Variants in EPHA2 observed in about 807,000 individuals in gnomAD.
EPHA2 encodes EPH receptor A2, also known as ephrin type-A receptor 2.
Under a neutral mutation model 104.9 loss-of-function variants are expected in EPHA2, and 54 were observed. The observed-to-expected ratio is 0.51, with a 90% confidence interval of 0.41 to 0.65. The LOEUF (loss-of-function observed/expected upper bound fraction) is 0.65, where lower values mean the gene tolerates loss of function less well. EPHA2 is among the 30% of genes least tolerant of loss of function. The pLI is 0.00. For synonymous variants in EPHA2, 560 were observed against 559.1 expected (o/e 1.00, Z -0.02); for missense variants, 1,117 against 1,369.5 (o/e 0.82, Z 2.91).
chr1:16,135,335 G>T lies in EPHA2; in HGVS notation c.1429-146C>A. 1 of 1,099,942 alleles carries T rather than the reference G, an allele frequency of 9.1e-7. No homozygotes were observed. The highest frequency in any genetic ancestry group is 1.3e-6 in the Non-Finnish European group (1 of 748,200). The allele number at this position is 1,099,942 out of a possible 1,614,324, so 68.1% of individuals were successfully genotyped here. On this transcript the variant is annotated intron_variant, in intron 6 of 16. Coordinates refer to ENST00000358432, the MANE Select transcript of EPHA2 (RefSeq NM_004431.5). This position sits in a 1 kb window ranked among gnomAD's most constrained non-coding sequence, Gnocchi z 4.3. The stretch of plus-strand genomic sequence containing the variant: ...TCTTCTTACAGAGGAGGAAACTGAG[G>T]CTCGGAATTAAGTGACTCACTCAAG...
In EPHA2 at chr1:16,148,906, T is replaced by C. The variant is rs1467862858; in HGVS notation, c.295A>G (p.Lys99Glu). The change falls in exon 3 of 17, where the codon AAG becomes GAG. Residue 99 changes from lysine (K) to glutamate (E), a missense_variant. This residue lies in a region of EPHA2 where 664 missense variants were observed against 784.8 expected (regional missense o/e 0.85). Coordinates refer to ENST00000358432, the MANE Select transcript of EPHA2 (RefSeq NM_004431.5). The surrounding 1 kb of genome is among the most constrained non-coding windows in gnomAD (Gnocchi z 4.9). ...GEAERIFIEL[K>E]FTVRDCNSFP... is the part of the protein sequence containing the mutation. ...CTGTTGCAGTCACGTACAGTAAACT[T>C]GAGCTCAATGAAGATACGCTCAGCC... The C allele has an allele frequency of 1.2e-6, 2 of 1,614,168 alleles. No homozygotes were observed. The highest frequency in any genetic ancestry group is 3.3e-5 in the Admixed American group (2 of 60,034).
intron 16 of EPHA2, among the ~76,000 whole-genome samples, chr1:16,127,358 C>T (rs1302410735): frequency 6.6e-6 from 1 of 152,160 alleles, no homozygotes. Context: ...ACATCCACGC[C>T]TTTCGTCAGC....
In EPHA2 at chr1:16,131,690, G is replaced by A. The variant is rs201319114; in HGVS notation, c.2475+31C>T. 6.0e-5 allele frequency: 97 copies of A among 1,613,580 alleles called. No homozygotes were observed. The highest frequency in any genetic ancestry group is 7.5e-5 in the Non-Finnish European group (89 of 1,179,952). On this transcript the variant is annotated intron_variant, in intron 14 of 16. Coordinates refer to ENST00000358432, the MANE Select transcript of EPHA2 (RefSeq NM_004431.5). The surrounding 1 kb of genome is among the most constrained non-coding windows in gnomAD (Gnocchi z 5.2). ...GAGTAAAGGGCTTGAGTTCAGGTCC[G>A]GACAGGCCTGGGGAGGGCAAGGGCA...
Position 16,133,511 on chromosome 1 carries a change from A to G in EPHA2, c.1834T>C (p.Cys612Arg). Residue 612 changes from cysteine to arginine, a missense_variant, in exon 10 of 17, where the codon TGT becomes CGT. Cys to Arg is a radical substitution (Grantham distance 180, BLOSUM62 -3). Transcript: ENST00000358432. ...CCGATCACCTTCTGCCGAGTGACAC[A>G]GGATGGATGGATCTCGGTAGTGAAC... ...LKFTTEIHPSCVTRQKVIGAG... is the reference protein window; with the variant it reads ...LKFTTEIHPSRVTRQKVIGAG... 6.2e-7 allele frequency: 1 copy of G among 1,614,112 alleles called. No individual in the cohort carries two copies. Among genetic ancestry groups the G allele is most frequent in the South Asian group, 1.1e-5 (1 of 91,084 alleles).
At chr1:16,152,311 C>T (rs1210445474) in intron 1 of EPHA2, among the ~76,000 whole-genome samples, 1 of 152,156 alleles carries the variant, frequency 6.6e-6, no homozygotes, top group Non-Finnish European at 1.5e-5. Flanking sequence ...GTCTTGAAGA[C>T]CGCCTCCTGA....
intron 1 of EPHA2, chr1:16,155,429 A>G (rs2025139046): frequency 6.9e-6 from 1 of 144,250 alleles, no homozygotes; most frequent in South Asian, 2.4e-4. Context: ...AGGCCTGCAC[A>G]GTATGCCTTC....
rs989006800 is a variant in EPHA2, at chr1:16,150,843, G to A, written c.153+53C>T. The A allele has an allele frequency of 1.3e-5, 20 of 1,596,042 alleles. No individual in the cohort carries two copies. Among genetic ancestry groups the A allele is most frequent in the Non-Finnish European group, 1.5e-5 (18 of 1,163,948 alleles). On this transcript the variant is annotated intron_variant, in intron 2 of 16. Transcript: ENST00000358432. The surrounding 1 kb of genome is among the most constrained non-coding windows in gnomAD (Gnocchi z 4.8). ...GGGCCTCAGTTTCTCCATCTCTACA[G>A]GGGACCAGCAGCCCCATTCTCACAC...
intron 2 of EPHA2, among the ~76,000 whole-genome samples, chr1:16,149,617 G>C (rs2025000092): frequency 6.6e-6 from 1 of 152,192 alleles, no homozygotes; most frequent in Non-Finnish European, 1.5e-5. Flanking sequence ...CTCCCTCCCT[G>C]GATCATAACT....
Position 16,130,114 on chromosome 1 carries a change from G to T in EPHA2, c.2669+112C>A. 1 of 1,436,132 alleles carries T rather than the reference G, an allele frequency of 7.0e-7. No individual in the cohort carries two copies. Among genetic ancestry groups the T allele is most frequent in the Non-Finnish European group, 9.7e-7 (1 of 1,031,372 alleles). 89.0% of individuals were successfully genotyped at this position (1,436,132 alleles called of 1,614,324 possible). A position where few individuals can be genotyped will look rare whatever the true frequency, so the allele number is the denominator to read the frequency against. ...AGTCAAGTCCACACATAACCTCTTA[G>T]CCCCCAGCACCCCCCCTACCAGCTT... On this transcript the variant is annotated intron_variant, in intron 15 of 16. Coordinates refer to ENST00000358432, the MANE Select transcript of EPHA2 (RefSeq NM_004431.5). This position sits in a 1 kb window ranked among gnomAD's most constrained non-coding sequence, Gnocchi z 4.5.
Position 16,125,420 on chromosome 1 carries a change from T to C in EPHA2, c.2826-100A>G. 1 of 600,392 alleles carries C rather than the reference T, an allele frequency of 1.7e-6. No individual in the cohort carries two copies. The highest frequency in any genetic ancestry group is 2.7e-6 in the Non-Finnish European group (1 of 370,022). The allele number at this position is 600,392 out of a possible 1,614,324, so 37.2% of individuals were successfully genotyped here. A position where few individuals can be genotyped will look rare whatever the true frequency, so the allele number is the denominator to read the frequency against. ...CTCGGTGGGCGGCTGGGGAGGGGAGTGGAGGGAGGCAGAGGAGGAGGGTGG... is the reference window on the plus strand; with the variant it reads ...CTCGGTGGGCGGCTGGGGAGGGGAGCGGAGGGAGGCAGAGGAGGAGGGTGG... On this transcript the variant is annotated intron_variant, in intron 16 of 16. Coordinates refer to ENST00000358432, the MANE Select transcript of EPHA2 (RefSeq NM_004431.5). This position sits in a 1 kb window ranked among gnomAD's most constrained non-coding sequence, Gnocchi z 4.9.
At position 16,128,855 on chromosome 1, in the gene EPHA2, G is replaced by T. The variant is rs1012662751; in HGVS notation, c.2825+579C>A. ...GAGAGGTGCCCGGGGTAGGCCAGGG[G>T]TTCTCTCTCCTGGGCAGCAGTCAGG... On this transcript the variant is annotated intron_variant, in intron 16 of 16. Coordinates refer to ENST00000358432, the MANE Select transcript of EPHA2 (RefSeq NM_004431.5). This position sits in a 1 kb window ranked among gnomAD's most constrained non-coding sequence, Gnocchi z 4.7. 1.4e-4 allele frequency among the ~76,000 whole-genome samples: 22 copies of T among 152,214 alleles called. No homozygotes were observed. The highest frequency in any genetic ancestry group is 3.4e-3 in the Middle Eastern group (1 of 294).
rs932325103 is a variant in EPHA2, at chr1:16,132,895, A to G, written c.2053+285T>C. The G allele has an allele frequency of 5.6e-4, 268 of 477,250 alleles. 1 individual carries two copies. The highest frequency in any genetic ancestry group is 7.1e-4 in the Non-Finnish European group (189 of 265,686). The allele number at this position is 477,250 out of a possible 1,614,324, so 29.6% of individuals were successfully genotyped here. A position where few individuals can be genotyped will look rare whatever the true frequency, so the allele number is the denominator to read the frequency against. ...TGGGCACAGGTGTAAGGAGGTGGGT[A>G]CAGGTATCGGGGAGAGGTGGGCACA... On this transcript the variant is annotated intron_variant, in intron 11 of 16. Coordinates refer to ENST00000358432, the MANE Select transcript of EPHA2 (RefSeq NM_004431.5).
In EPHA2 at chr1:16,130,387, G is replaced by A. The variant is rs756977784; in HGVS notation, c.2508C>T (p.Leu836=). ...CGGAGGGGCAGTCCATGGGTGTGGG[G>A]AGCCGGAAGCCATCATTGATGGCTT... ...VMKAINDGFR[L]PTPMDCPSAI... is the part of the protein sequence containing the mutation. The change falls in exon 15 of 17, where the codon CTC becomes CTT. Residue 836 remains leucine, a synonymous_variant. Transcript: ENST00000358432. The surrounding 1 kb of genome is among the most constrained non-coding windows in gnomAD (Gnocchi z 4.5). 1.3e-6 allele frequency: 2 copies of A among 1,555,008 alleles called. No homozygotes were observed. Among genetic ancestry groups the A allele is most frequent in the Middle Eastern group, 1.8e-4 (1 of 5,512 alleles).
rs1214730814 is a variant in EPHA2, at chr1:16,153,011, C to G, written c.86-2048G>C. The G allele has an allele frequency of 2.7e-5, 16 of 601,292 alleles. No homozygotes were observed. In the South Asian group the frequency reaches 1.0e-3, roughly 39 times the overall value. The allele number at this position is 601,292 out of a possible 1,614,324, so 37.2% of individuals were successfully genotyped here. A position where few individuals can be genotyped will look rare whatever the true frequency, so the allele number is the denominator to read the frequency against. Reference sequence around the variant, plus strand: ...TCCAGGGACAGAGGCTCCCGCTTCTCTGGAAAGGGTGGGAGCCTGGGAGCC... The same window carrying G: ...TCCAGGGACAGAGGCTCCCGCTTCTGTGGAAAGGGTGGGAGCCTGGGAGCC... On this transcript the variant is annotated intron_variant, in intron 1 of 16. Transcript: ENST00000358432.
intron 5 of EPHA2, among the ~76,000 whole-genome samples, chr1:16,136,544 G>A (rs2024688485): frequency 6.7e-5 from 10 of 149,778 alleles, no homozygotes; most frequent in Admixed American, 6.6e-4. Flanking sequence ...ACTTGAATCC[G>A]GGATGCAGAG....
At chr1:16,147,035 A>G (rs1204553382) in intron 3 of EPHA2, among the ~76,000 whole-genome samples, 1 of 152,238 alleles carries the variant, frequency 6.6e-6, no homozygotes, top group African/African-American at 2.4e-5. Flanking sequence ...CCAGCCCTCC[A>G]AAGGTTGGCC....
chr1:16,134,646 G>T lies in EPHA2; in HGVS notation c.1583-79C>A. ...CACCCGCGCTGCACCCAAGACACCT[G>T]GGCCCCTACTGTGTGCTGGGTGCTT... On this transcript the variant is annotated intron_variant, in intron 7 of 16. Coordinates refer to ENST00000358432, the MANE Select transcript of EPHA2 (RefSeq NM_004431.5). This position sits in a 1 kb window ranked among gnomAD's most constrained non-coding sequence, Gnocchi z 4.5. 1 of 1,451,836 alleles carries T rather than the reference G, an allele frequency of 6.9e-7. No individual in the cohort carries two copies. The highest frequency in any genetic ancestry group is 9.5e-7 in the Non-Finnish European group (1 of 1,050,436). 89.9% of individuals were successfully genotyped at this position (1,451,836 alleles called of 1,614,324 possible).
At position 16,128,849 on chromosome 1, in the gene EPHA2, C is replaced by T. The variant is rs2024517765; in HGVS notation, c.2825+585G>A. On this transcript the variant is annotated intron_variant, in intron 16 of 16. Coordinates refer to ENST00000358432, the MANE Select transcript of EPHA2 (RefSeq NM_004431.5). This position sits in a 1 kb window ranked among gnomAD's most constrained non-coding sequence, Gnocchi z 4.7. ...AGTGGAGAGAGGTGCCCGGGGTAGG[C>T]CAGGGGTTCTCTCTCCTGGGCAGCA... is the stretch of plus-strand genomic sequence containing the variant. 6.6e-6 allele frequency among the ~76,000 whole-genome samples: 1 copy of T among 152,094 alleles called. No homozygotes were observed. Among genetic ancestry groups the T allele is most frequent in the Non-Finnish European group, 1.5e-5 (1 of 68,010 alleles).
intron 15 of EPHA2, among the ~76,000 whole-genome samples, chr1:16,129,940 T>C (rs1223832394): frequency 6.6e-6 from 1 of 152,174 alleles, no homozygotes; most frequent in Non-Finnish European, 1.5e-5. Flanking sequence ...CTCAGTTTCT[T>C]CTTCTACAAA....
Sources: allele counts gnomAD v4.1 joint callset (sites outside exome capture counted in the v4.1 genomes callset), GRCh38; gene constraint gnomAD v4.1.1; regional missense constraint gnomAD v4.1.1; non-coding constraint Gnocchi (gnomAD v3.1); transcripts MANE v1.5; gene names NCBI Gene and HGNC (gene_info 2026-07-23, HGNC 2026-07-21).